The following RALYL variants were observed in gnomAD, a reference collection of about 807,000 sequenced individuals.
RALYL encodes RNA-binding Raly-like protein.
A neutral mutation model predicts 35.1 loss-of-function variants in RALYL; 29 were observed. That is an observed-to-expected ratio of 0.83 (90% confidence interval 0.61 to 1.13). The LOEUF is 1.13. RALYL is among the 50% of genes most tolerant of loss of function. RALYL has a pLI of 0.00. For synonymous variants in RALYL, 120 were observed against 127.6 expected (o/e 0.94, Z 0.40); for missense variants, 359 against 360.4 (o/e 1.00, Z 0.03).
At chr8:84,711,222 T>C (rs1842132448) in intron 2 of RALYL, among the ~76,000 whole-genome samples, 1 of 152,134 alleles carries the variant, frequency 6.6e-6, no homozygotes, top group African/African-American at 2.4e-5. Context: ...ATTGGATAGA[T>C]AGAGTAGGAC....
At chr8:84,888,702 G>T (rs1332520177) in intron 8 of RALYL, among the ~76,000 whole-genome samples, 2 of 151,956 alleles carry the variant, frequency 1.3e-5, no homozygotes, top group Non-Finnish European at 2.9e-5. Flanking sequence ...CTTTTAACAT[G>T]CCAGCTCTGT....
chr8:84,243,720 G>A (rs575949324), intron 1 of RALYL, among the ~76,000 whole-genome samples: 3 of 152,146 alleles, frequency 2.0e-5, no homozygotes, highest in African/African-American at 4.8e-5. Flanking sequence ...TTGCTGTGCC[G>A]AGTTTCCTCC....
Position 84,384,446 on chromosome 8 carries a change from C to T in RALYL, c.-23-144853C>T, listed in dbSNP as rs62526799. Among the ~76,000 whole-genome samples the T allele has an allele frequency of 2.4e-3, 370 of 151,790 alleles. 6 individuals are homozygous for T. Among genetic ancestry groups the T allele is most frequent in the South Asian group, 5.2e-3 (25 of 4,820 alleles). On this transcript the variant is annotated intron_variant, in intron 1 of 8. Coordinates refer to ENST00000521268, the MANE Select transcript of RALYL (RefSeq NM_173848.7). Reference sequence around the variant, plus strand: ...TATCATGTGACTCTATTTTAATCAACGACAAATGCATTTTCATGAAAGCAT... The same window carrying T: ...TATCATGTGACTCTATTTTAATCAATGACAAATGCATTTTCATGAAAGCAT...
intron 3 of RALYL, among the ~76,000 whole-genome samples, chr8:84,794,057 G>C (rs1821378777): frequency 6.6e-6 from 1 of 152,182 alleles, no homozygotes; most frequent in African/African-American, 2.4e-5. Flanking sequence ...ATGGGTATGA[G>C]ACTGTGGGGC....
At chr8:84,702,095 A>G (rs1840296643) in intron 2 of RALYL, among the ~76,000 whole-genome samples, 1 of 152,208 alleles carries the variant, frequency 6.6e-6, no homozygotes, top group Admixed American at 6.6e-5. Context: ...ACATCATAGG[A>G]CTGTTTTCAG....
At chr8:84,712,307 G>A (rs138514006) in intron 2 of RALYL, among the ~76,000 whole-genome samples, 44 of 152,218 alleles carry the variant, frequency 2.9e-4, no homozygotes, top group Non-Finnish European at 4.3e-4. Context: ...GAGCAGAGAC[G>A]TACAAAGGCT....
rs945502260 is a variant in RALYL at position 84,806,809 on chromosome 8, C to T, written c.365+2007C>T. Among the ~76,000 whole-genome samples the T allele has an allele frequency of 5.9e-5, 9 of 152,106 alleles. No individual in the cohort carries two copies. In the South Asian group the frequency reaches 1.0e-3, roughly 18 times the overall value. ...GGCGACTCACTTGAGTTCAGGAGTT[C>T]GAGACCAGGCTGGACAACATGGTGA... On this transcript the variant is annotated intron_variant, in intron 4 of 8. Transcript: ENST00000521268.
chr8:84,892,900 G>C (rs1290212487), intron 8 of RALYL, among the ~76,000 whole-genome samples: 1 of 152,112 alleles, frequency 6.6e-6, no homozygotes, highest in African/African-American at 2.4e-5. Flanking sequence ...ATTCTGTATT[G>C]ATGCACTATA....
intron 1 of RALYL, among the ~76,000 whole-genome samples, chr8:84,453,505 G>T (rs373389256): frequency 1.8e-4 from 27 of 151,884 alleles, no homozygotes; most frequent in African/African-American, 4.4e-4. Context: ...CAGAGTTCAG[G>T]TCCACAGAGT....
At chr8:84,582,357 T>G (rs1811029150) in intron 2 of RALYL, among the ~76,000 whole-genome samples, 1 of 152,178 alleles carries the variant, frequency 6.6e-6, no homozygotes, top group South Asian at 2.1e-4. Flanking sequence ...TTTGTTTAAA[T>G]TATACCTTTA....
chr8:84,203,462 T>C (rs1817379811), intron 1 of RALYL, among the ~76,000 whole-genome samples: 1 of 152,168 alleles, frequency 6.6e-6, no homozygotes, highest in South Asian at 2.1e-4. Context: ...TTCATAGTGA[T>C]AGTAAAAAGT....
At chr8:84,219,606 TGTGA>T (rs767417200) in intron 1 of RALYL, among the ~76,000 whole-genome samples, 22 of 152,038 alleles carry the variant, frequency 1.4e-4, no homozygotes, top group Non-Finnish European at 2.8e-4. Flanking sequence ...TGTGTGTGTG[TGTGA>T]GTGTGTCTTT....
chr8:84,480,264 G>A (rs190247913), intron 1 of RALYL, among the ~76,000 whole-genome samples: 18 of 152,184 alleles, frequency 1.2e-4, no homozygotes, highest in African/African-American at 4.3e-4. Flanking sequence ...TACAAAGAGT[G>A]CACTTTGTTC....
chr8:84,220,798 A>G (rs1822016127), intron 1 of RALYL, among the ~76,000 whole-genome samples: 1 of 151,994 alleles, frequency 6.6e-6, no homozygotes, highest in South Asian at 2.1e-4. Flanking sequence ...ATAAATGATT[A>G]AGAGTGCATT....
chr8:84,212,348 G>T (rs192234956), intron 1 of RALYL, among the ~76,000 whole-genome samples: 1 of 151,806 alleles, frequency 6.6e-6, no homozygotes, highest in Non-Finnish European at 1.5e-5. Flanking sequence ...ATTTACCTAC[G>T]TTTGTATTTT....
chr8:84,519,918 C>T (rs929743754), intron 1 of RALYL, among the ~76,000 whole-genome samples: 1 of 152,140 alleles, frequency 6.6e-6, no homozygotes, highest in Non-Finnish European at 1.5e-5. Flanking sequence ...GGTCCTCGGC[C>T]CTCTGCCAAA....
At chr8:84,753,479 G>A (rs1810573340) in intron 2 of RALYL, among the ~76,000 whole-genome samples, 1 of 152,138 alleles carries the variant, frequency 6.6e-6, no homozygotes, top group Admixed American at 6.5e-5. Context: ...GGCCTAGGCA[G>A]AATGATAAGA....
intron 2 of RALYL, among the ~76,000 whole-genome samples, chr8:84,529,953 G>A (rs1452061712): frequency 6.6e-6 from 1 of 152,110 alleles, no homozygotes; most frequent in Non-Finnish European, 1.5e-5. Context: ...TTTGATCTGA[G>A]CCTAATGCAT....
At chr8:84,888,479 C>G (rs1488291470) in intron 8 of RALYL, among the ~76,000 whole-genome samples, 1 of 152,074 alleles carries the variant, frequency 6.6e-6, no homozygotes, top group Non-Finnish European at 1.5e-5. Flanking sequence ...TCTCAAAGGA[C>G]TTAACTAATA....
Sources: gnomAD v4.1 joint callset for allele counts (sites outside exome capture counted in the v4.1 genomes callset) on GRCh38, gnomAD v4.1.1 for gene constraint, MANE v1.5 for transcripts, NCBI Gene and HGNC (gene_info 2026-07-23, HGNC 2026-07-21) for gene names.